The following CUX1 variants were observed in gnomAD, a reference collection of about 807,000 sequenced individuals.
CUX1 encodes the protein protein CASP.
Under a neutral mutation model 158.8 loss-of-function variants are expected in CUX1, and 31 were observed. That is an observed-to-expected ratio of 0.20 (90% CI 0.15 to 0.26). CUX1 has a LOEUF of 0.26. Among genes scored for constraint, CUX1 ranks in the 10% least tolerant of loss-of-function variants. The probability of loss-of-function intolerance (pLI) is 1.00; values close to 1 mark genes in which losing one functional copy is unlikely to be tolerated. For synonymous variants in CUX1, 879 were observed against 862.1 expected (o/e 1.02, Z -0.34); for missense variants, 1,589 against 2,014.6 (o/e 0.79, Z 4.04).
chr7:102,220,647 C>T (rs529518646), intron 20 of CUX1, among the ~76,000 whole-genome samples: 105 of 152,294 alleles, frequency 6.9e-4, no homozygotes, highest in African/African-American at 2.3e-3. Context: ...CTGCCAGCCC[C>T]GGCATGCCCA....
intron 2 of CUX1, among the ~76,000 whole-genome samples, chr7:102,008,809 C>T (rs1448650522): frequency 6.6e-6 from 1 of 152,198 alleles, no homozygotes; most frequent in African/African-American, 2.4e-5. Context: ...GACCACAGCA[C>T]AGTCATGGTG....
In CUX1 at chr7:102,041,256, C is replaced by CTTTTTTTT. The variant is rs11427183; in HGVS notation, c.189+13131_189+13138dup. Among the ~76,000 whole-genome samples, 21 of 69,916 alleles carry CTTTTTTTT rather than the reference C, an allele frequency of 3.0e-4. 2 individuals carry two copies. Among genetic ancestry groups the CTTTTTTTT allele is most frequent in the South Asian group, 7.3e-4 (1 of 1,370 alleles). 45.9% of individuals were successfully genotyped at this position (69,916 alleles called of 152,430 possible). On this transcript the variant is annotated intron_variant, in intron 3 of 23. Transcript: ENST00000292535. ...GGGAGATTGTCACCTCTTATCCATT[C>CTTTTTTTT]TTTTTTTTTTTTTTTTTTTTTTTTT... is the stretch of plus-strand genomic sequence containing the variant.
chr7:102,280,081 C>A lies in CUX1; in HGVS notation c.1725C>A (p.Tyr575Ter). Residue 575 changes from tyrosine (Y) to a stop codon, truncating the protein, a stop_gained, in exon 19 of 23, where the codon TAC becomes TAA. Transcript: ENST00000292538. LOFTEE classifies it high-confidence loss of function. ...CGGAGCTGCGGTACTCGTCCCAGTA[C>A]GAGGAGCGCCTGGACCCCTTCTCCT... The A allele has an allele frequency of 1.2e-6, 2 of 1,610,966 alleles. No homozygotes were observed. The highest frequency in any genetic ancestry group is 1.1e-5 in the South Asian group (1 of 91,064).
downstream of CUX1, among the ~76,000 whole-genome samples, chr7:102,262,766 A>G (rs1790498402): frequency 6.6e-6 from 1 of 152,164 alleles, no homozygotes; most frequent in Non-Finnish European, 1.5e-5. Flanking sequence ...TCCCGGTGCA[A>G]CTTTCCAACT....
chr7:101,952,924 C>T (rs909091510), intron 2 of CUX1, among the ~76,000 whole-genome samples: 1 of 152,204 alleles, frequency 6.6e-6, no homozygotes, highest in Non-Finnish European at 1.5e-5. Context: ...TGGGCTCTGT[C>T]GGGACATTTT....
In CUX1 at chr7:102,257,859, A is replaced by G; in HGVS notation, c.*8817A>G. 1.0e-6 allele frequency: 1 copy of G among 983,700 alleles called. No homozygotes were observed. The highest frequency in any genetic ancestry group is 1.2e-6 in the Non-Finnish European group (1 of 829,456). The allele number at this position is 983,700 out of a possible 1,614,324, so 60.9% of individuals were successfully genotyped here. On this transcript the variant is annotated 3_prime_UTR_variant, in exon 24 of 24. Transcript: ENST00000292535. ...TTTTCTCCAATCCTCACAGAGACCCAATTGACCAAAAAAGAAAAAAGGAAA... is the reference window on the plus strand; with the variant it reads ...TTTTCTCCAATCCTCACAGAGACCCGATTGACCAAAAAAGAAAAAAGGAAA...
chr7:101,943,610 G>C (rs1471134011), intron 2 of CUX1, among the ~76,000 whole-genome samples: 1 of 151,508 alleles, frequency 6.6e-6, no homozygotes, highest in Non-Finnish European at 1.5e-5. Flanking sequence ...CTTACATACC[G>C]AGAGTCAGAG....
At chr7:102,051,610 G>A (rs1823506780) in intron 3 of CUX1, among the ~76,000 whole-genome samples, 2 of 149,054 alleles carry the variant, frequency 1.3e-5, no homozygotes, top group East Asian at 1.9e-4. Flanking sequence ...AGCCAAGATC[G>A]TGCCTCTGCA....
intron 9 of CUX1, among the ~76,000 whole-genome samples, chr7:102,162,232 C>T (rs1392716444): frequency 6.6e-6 from 1 of 152,150 alleles, no homozygotes; most frequent in Non-Finnish European, 1.5e-5. Context: ...TTCTGAGAGA[C>T]CCCTGTAGAC....
chr7:102,195,519 C>T lies in CUX1; in HGVS notation c.1138C>T (p.Pro380Ser). ...EGAGTQDAAKPLEVLLLEKNR... is the reference protein window; with the variant it reads ...EGAGTQDAAKSLEVLLLEKNR... ...CTGCCCCTTCTAGGATGCGGCCAAG[C>T]CCCTGGAGGTGCTGTTGCTGGAGAA... The change falls in exon 14 of 24, where the codon CCC becomes TCC. Residue 380 changes from proline (P) to serine (S), a missense_variant. By Grantham distance (74) the Pro-to-Ser change is moderately conservative. Around this residue, in one of 8 missense-constraint regions of CUX1, gnomAD observed 515 missense variants for 574.4 expected, o/e 0.90. Transcript: ENST00000292535. The T allele has an allele frequency of 1.9e-6, 3 of 1,612,156 alleles. No individual in the cohort carries two copies. Among genetic ancestry groups the T allele is most frequent in the Non-Finnish European group, 2.5e-6 (3 of 1,179,756 alleles).
At chr7:101,904,568 ATTTT>A (rs34284019) in intron 1 of CUX1, among the ~76,000 whole-genome samples, 1 of 139,334 alleles carries the variant, frequency 7.2e-6, no homozygotes, top group Admixed American at 7.2e-5. Flanking sequence ...CATTTTGAGA[ATTTT>A]TTTTTTTTTT....
At chr7:101,875,880 C>G (rs539583552) in intron 1 of CUX1, among the ~76,000 whole-genome samples, 1 of 150,864 alleles carries the variant, frequency 6.6e-6, no homozygotes, top group Non-Finnish European at 1.5e-5. Context: ...TTTTACAAAG[C>G]AAAAAATGAG....
intron 8 of CUX1, among the ~76,000 whole-genome samples, chr7:102,132,227 C>A (rs922616292): frequency 1.3e-5 from 2 of 150,472 alleles, no homozygotes; most frequent in African/African-American, 2.4e-5. Flanking sequence ...GATGGATGGA[C>A]AGACGGATGG....
At chr7:101,954,891 G>C (rs187194940) in intron 2 of CUX1, among the ~76,000 whole-genome samples, 17 of 152,088 alleles carry the variant, frequency 1.1e-4, no homozygotes, top group African/African-American at 3.6e-4. Context: ...ACAGGTTCAG[G>C]CCAGGCATGG....
intron 3 of CUX1, among the ~76,000 whole-genome samples, chr7:102,053,823 T>C (rs1823815807): frequency 1.3e-5 from 2 of 149,900 alleles, no homozygotes; most frequent in African/African-American, 4.9e-5. Context: ...TTTTTTTTTT[T>C]TGAGACAGAG....
chr7:101,941,941 TC>T (rs1184620534), intron 2 of CUX1, among the ~76,000 whole-genome samples: 14 of 152,094 alleles, frequency 9.2e-5, no homozygotes, highest in Non-Finnish European at 1.9e-4. Context: ...TCCCTCCCCC[TC>T]TCTCTGTCCC....
chr7:101,955,223 G>T (rs898251185), intron 2 of CUX1, among the ~76,000 whole-genome samples: 1 of 151,670 alleles, frequency 6.6e-6, no homozygotes, highest in Admixed American at 6.6e-5. Context: ...TCCGCTCTGC[G>T]CCTCCTCCCT....
At position 102,060,580 on chromosome 7, in the gene CUX1, CATAT is replaced by C. The variant is rs1041452973; in HGVS notation, c.190-9749_190-9746del. ...ATATATATACACACACACATATATA[CATAT>C]ATATATATACACACACACAAATAAA... is the stretch of plus-strand genomic sequence containing the variant. On this transcript the variant is annotated intron_variant, in intron 3 of 23. Coordinates refer to ENST00000292535, the MANE Select transcript of CUX1 (RefSeq NM_181552.4). Among the ~76,000 whole-genome samples the C allele has an allele frequency of 8.6e-4, 102 of 119,244 alleles. 2 individuals carry two copies. The highest frequency in any genetic ancestry group is 2.8e-3 in the African/African-American group (94 of 33,828). 78.2% of individuals were successfully genotyped at this position (119,244 alleles called of 152,430 possible). A position where few individuals can be genotyped will look rare whatever the true frequency, so the allele number is the denominator to read the frequency against.
intron 5 of CUX1, among the ~76,000 whole-genome samples, chr7:102,102,181 G>A (rs147619512): frequency 4.3e-4 from 66 of 152,180 alleles, no homozygotes; most frequent in African/African-American, 1.6e-3. Context: ...GCCCTGATGG[G>A]ATCGTTGGTG....
Sources: gnomAD v4.1 joint callset for allele counts (sites outside exome capture counted in the v4.1 genomes callset) on GRCh38, gnomAD v4.1.1 for gene constraint, gnomAD v4.1.1 regional missense constraint, MANE v1.5 for transcripts, NCBI Gene and HGNC (gene_info 2026-07-23, HGNC 2026-07-21) for gene names.